Variants in PCNX3 observed in about 807,000 individuals in gnomAD.
The protein encoded by PCNX3 is pecanex-like protein 3.
In PCNX3, 58 loss-of-function variants were observed where a neutral mutation model predicts 207.2. The ratio of observed to expected loss-of-function variants is 0.28; its 90% CI spans 0.23 to 0.35. The LOEUF (loss-of-function observed/expected upper bound fraction) is 0.35, where lower values mean the gene tolerates loss of function less well. Ranked by LOEUF, PCNX3 falls within the 10% of genes least tolerant of loss-of-function variation. PCNX3 has a pLI of 1.00. For missense variants in PCNX3, 2,410 were observed against 2,774.4 expected (o/e 0.87, Z 2.95); for synonymous variants, 1,337 against 1,183.5 (o/e 1.13, Z -2.66).
At position 65,625,159 on chromosome 11, in the gene PCNX3, T is replaced by C. The variant is rs1240140461; in HGVS notation, c.2920-12T>C. On this transcript the variant is annotated splice_polypyrimidine_tract_variant and intron_variant, in intron 16 of 34. Transcript: ENST00000355703. The surrounding 1 kb of genome is among the most constrained non-coding windows in gnomAD (Gnocchi z 5.6). The stretch of plus-strand genomic sequence containing the variant: ...CCTCACCTCCCCTGACCAGCATGGA[T>C]TCTCTCCGCAGACTCCGTGGCCAGA... 6.3e-7 allele frequency: 1 copy of C among 1,595,352 alleles called. No homozygotes were observed. Among genetic ancestry groups the C allele is most frequent in the Non-Finnish European group, 8.6e-7 (1 of 1,169,186 alleles).
chr11:65,628,775 G>GGGGGGGGGGGGGGGGGGGGGGGGC, intron 23 of PCNX3, 44 bp from the exon 24 acceptor site: 10 of 1,500,460 alleles, frequency 6.7e-6, no homozygotes, highest in Admixed American at 1.7e-5. Flanking sequence ...GTGGTGGGGG[G>GGGGGGGGGGGGGGGGGGGGGGGGC]CTGGGAGGTC....
intron 1 of PCNX3, among the ~76,000 whole-genome samples, 175 bp downstream of exon 1, chr11:65,616,639 C>G (rs990201621): frequency 1.3e-5 from 2 of 152,184 alleles, no homozygotes; most frequent in African/African-American, 4.8e-5. Context: ...ACCTTGAACC[C>G]TACACTTAAT....
At chr11:65,621,040 T>C (rs1343590262) in intron 10 of PCNX3, 74 bp downstream of exon 10, 12 of 1,462,512 alleles carry the variant, frequency 8.2e-6, no homozygotes, top group African/African-American at 1.4e-5. Context: ...CCGGCCTGCA[T>C]AGAGAGCTTG....
Position 65,634,299 on chromosome 11 carries a change from C to T in PCNX3, c.4644C>T (p.Pro1548=), listed in dbSNP as rs1283026889. 6.2e-7 allele frequency: 1 copy of T among 1,609,614 alleles called. No individual in the cohort carries two copies. The highest frequency in any genetic ancestry group is 8.5e-7 in the Non-Finnish European group (1 of 1,178,276). ...TCCGCCTGTCTGGCCTCTCGCTGCCCTCCTTTTGTGCTGTGCACCTCGAGT... is the reference window on the plus strand; with the variant it reads ...TCCGCCTGTCTGGCCTCTCGCTGCCTTCCTTTTGTGCTGTGCACCTCGAGT... ...YDLRLSGLSL[P]SFCAVHLEWI... The change falls in exon 28 of 35, where the codon CCC becomes CCT. Residue 1548 remains proline, a synonymous_variant. Transcript: ENST00000355703.
At chr11:65,636,022 A>T (rs1007788790) in intron 32 of PCNX3, among the ~76,000 whole-genome samples, 152 bp from the exon 33 acceptor site, 8 of 151,746 alleles carry the variant, frequency 5.3e-5, no homozygotes, top group Non-Finnish European at 4.4e-5. Flanking sequence ...CCCTCAAAAG[A>T]CTCTGCAAAG....
rs748927867 is a variant in PCNX3, at chr11:65,625,037, G to C, written c.2919+21G>C. 19 of 1,604,900 alleles carry C rather than the reference G, an allele frequency of 1.2e-5. No homozygotes were observed. Among genetic ancestry groups the C allele is most frequent in the Non-Finnish European group, 1.6e-5 (19 of 1,174,252 alleles). ...TCAAGGTAGGGGTGGCTTGCGAGGT[G>C]GGGGCATGCTGCAGTGCGTAAGGGT... is the stretch of plus-strand genomic sequence containing the variant. On this transcript the variant is annotated intron_variant, in intron 16 of 34. Coordinates refer to ENST00000355703, the MANE Select transcript of PCNX3 (RefSeq NM_032223.4). The surrounding 1 kb of genome is among the most constrained non-coding windows in gnomAD (Gnocchi z 5.6).
chr11:65,624,659 C>A, intron 15 of PCNX3, 78 bp downstream of exon 15: 1 of 1,339,188 alleles, frequency 7.5e-7, no homozygotes, highest in Non-Finnish European at 1.0e-6. Flanking sequence ...TCCTTGGCTC[C>A]ACCCTTGCGG....
intron 11 of PCNX3, 151 bp from the exon 12 acceptor site, chr11:65,623,340 G>A (rs1590882098): frequency 1.6e-5 from 16 of 977,654 alleles, no homozygotes; most frequent in Admixed American, 7.2e-5. Flanking sequence ...CCGCGTCGTC[G>A]CAAAGTTATA....
chr11:65,623,281 T>C (rs1252998992), intron 11 of PCNX3, among the ~76,000 whole-genome samples: 4 of 151,744 alleles, frequency 2.6e-5, no homozygotes, highest in Non-Finnish European at 5.9e-5. Context: ...CAGGCAAAGA[T>C]TGGGAAGGAG....
intron 28 of PCNX3, 64 bp downstream of exon 28, chr11:65,634,420 T>C: frequency 6.6e-7 from 1 of 1,509,786 alleles, no homozygotes; most frequent in Non-Finnish European, 9.0e-7. Flanking sequence ...CTGCTCCCCT[T>C]CTCCCCATTT....
At position 65,625,855 on chromosome 11, in the gene PCNX3, C is replaced by T; in HGVS notation, c.3229-49C>T. 6.2e-7 allele frequency: 1 copy of T among 1,601,860 alleles called. No homozygotes were observed. The highest frequency in any genetic ancestry group is 1.1e-5 in the South Asian group (1 of 89,200). On this transcript the variant is annotated intron_variant, in intron 19 of 34. Coordinates refer to ENST00000355703, the MANE Select transcript of PCNX3 (RefSeq NM_032223.4). This position sits in a 1 kb window ranked among gnomAD's most constrained non-coding sequence, Gnocchi z 5.6. ...CCTGTGCCAGGTGGCCCTCTGTGGT[C>T]CCTTGGCCTGCTCCCATCAGCTGAG... is the stretch of plus-strand genomic sequence containing the variant.
At chr11:65,626,533 T>A (rs1400597441) in intron 20 of PCNX3, 1 of 417,636 alleles carries the variant, frequency 2.4e-6, no homozygotes, top group Admixed American at 3.6e-5. Context: ...CAGACTAGCA[T>A]CCCTCTGTGG....
rs1465317348 is a variant in PCNX3, at chr11:65,617,004, C to T, written c.334C>T (p.Pro112Ser). Residue 112 changes from proline to serine, a missense_variant, in exon 2 of 35, where the codon CCA (proline) becomes TCA (serine). Around this residue, in one of 8 missense-constraint regions of PCNX3, gnomAD observed 1,104 missense variants for 970.3 expected, o/e 1.14. Transcript: ENST00000355703. ...EEEPAQGDSN[P>S]PRDPGVEMTV... ...AGAGCCTGCCCAGGGGGACAGCAAT[C>T]CACCCAGGTGGGTGGGGTAGGGGCT... 2 of 1,608,570 alleles carry T rather than the reference C, an allele frequency of 1.2e-6. No individual in the cohort carries two copies. The highest frequency in any genetic ancestry group is 2.7e-5 in the African/African-American group (2 of 74,856).
At chr11:65,627,997 C>G (rs567170375) in intron 22 of PCNX3, among the ~76,000 whole-genome samples, 1 of 152,328 alleles carries the variant, frequency 6.6e-6, no homozygotes, top group South Asian at 2.1e-4. Context: ...TGTATAGGTG[C>G]TCTGCCGGCT....
In PCNX3 at chr11:65,620,494, T is replaced by C. The variant is rs959141704; in HGVS notation, c.2099+65T>C. The stretch of plus-strand genomic sequence containing the variant: ...TGGCCTGCATCTCTGGGAAGTTCCC[T>C]GAGCCTGGAGTTTGCTCTCTTCCTG... On this transcript the variant is annotated intron_variant, in intron 9 of 34. Transcript: ENST00000355703. The C allele has an allele frequency of 1.9e-5, 30 of 1,539,362 alleles. No homozygotes were observed. The Admixed American group carries it at 2.7e-4, about 14-fold the overall frequency.
At position 65,619,768 on chromosome 11, in the gene PCNX3, C is replaced by G; in HGVS notation, c.1844C>G (p.Ala615Gly). 1 of 1,572,338 alleles carries G rather than the reference C, an allele frequency of 6.4e-7. No individual in the cohort carries two copies. Among genetic ancestry groups the G allele is most frequent in the Non-Finnish European group, 8.6e-7 (1 of 1,165,832 alleles). Reference sequence around the variant, plus strand: ...ACCCTCTCCAGCAGCCTGCAGGAAGCTCAGCGGGGCCGGGCTGCCTCCCAC... The same window carrying G: ...ACCCTCTCCAGCAGCCTGCAGGAAGGTCAGCGGGGCCGGGCTGCCTCCCAC... ...MGSPPSSLQE[A>G]QRGRAASHSR... The change falls in exon 8 of 35, where the codon GCT (alanine) becomes GGT (glycine). Residue 615 changes from alanine (A) to glycine (G), a missense_variant. Physicochemically the swap from Ala to Gly is moderately conservative, Grantham distance 60 (BLOSUM62 0). Coordinates refer to ENST00000355703, the MANE Select transcript of PCNX3 (RefSeq NM_032223.4).
Position 65,634,363 on chromosome 11 carries a change from C to G in PCNX3, c.4701+7C>G. 2.5e-6 allele frequency: 4 copies of G among 1,568,652 alleles called. No homozygotes were observed. In the South Asian group the frequency reaches 4.6e-5, roughly 18 times the overall value. On this transcript the variant is annotated splice_region_variant and intron_variant, in intron 28 of 34. Coordinates refer to ENST00000355703, the MANE Select transcript of PCNX3 (RefSeq NM_032223.4). ...CGCCTCCCGGCGCAGCCAGGTCAGG[C>G]TCCACTACCTGAGGCTGCCACCTGG...
chr11:65,619,538 G>A lies in PCNX3; in HGVS notation c.1707G>A (p.Ala569=), dbSNP rs755148770. 97 of 1,611,480 alleles carry A rather than the reference G, an allele frequency of 6.0e-5. No homozygotes were observed. Among genetic ancestry groups the A allele is most frequent in the Middle Eastern group, 3.4e-4 (2 of 5,962 alleles). ...ACTTGGGGGCCTCTCTCTGGGCAGC[G>A]GCCGAGGAGACTGGCAGGCGGGACC... is the stretch of plus-strand genomic sequence containing the variant. ...ELQEEGAVGG[A]AEETGRRDRS... Residue 569 remains alanine (A), a splice_region_variant and synonymous_variant, in exon 7 of 35, where the codon GCG becomes GCA. Coordinates refer to ENST00000355703, the MANE Select transcript of PCNX3 (RefSeq NM_032223.4).
chr11:65,620,294 C>G (rs761350963), intron 8 of PCNX3, 45 bp from the exon 9 acceptor site: 1 of 1,571,032 alleles, frequency 6.4e-7, no homozygotes, highest in Non-Finnish European at 8.7e-7. Flanking sequence ...GGCCTTGGTG[C>G]TTCTGTCTCT....
Sources: allele counts gnomAD v4.1 joint callset (sites outside exome capture counted in the v4.1 genomes callset), GRCh38; gene constraint gnomAD v4.1.1; regional missense constraint gnomAD v4.1.1; non-coding constraint Gnocchi (gnomAD v3.1); transcripts MANE v1.5; gene names NCBI Gene and HGNC (gene_info 2026-07-23, HGNC 2026-07-21).